Variants in WFS1 observed in about 807,000 individuals in gnomAD.
WFS1 encodes wolframin.
A neutral mutation model predicts 68.5 loss-of-function variants in WFS1; 90 were observed. The observed-to-expected ratio is 1.31, with a 90% CI of 1.11 to 1.56. The LOEUF (loss-of-function observed/expected upper bound fraction) is 1.56, where lower values mean the gene tolerates loss of function less well. WFS1 is among the 40% of genes most tolerant of loss of function. The pLI, the probability that WFS1 is intolerant of heterozygous loss-of-function variation, is 0.00. For synonymous variants in WFS1, 860 were observed against 540.7 expected, an observed-to-expected ratio of 1.59 and a Z score of -8.19; for missense variants, 1,767 against 1,232.6, an observed-to-expected ratio of 1.43 and a Z score of -6.49.
Position 6,302,557 on chromosome 4 carries a change from C to T in WFS1, c.*89C>T, listed in dbSNP as rs562340244. 3.2e-5 allele frequency: 50 copies of T among 1,574,950 alleles called. No homozygotes were observed. The South Asian group carries it at 3.2e-4, about 10-fold the overall frequency. On this transcript the variant is annotated 3_prime_UTR_variant, in exon 8 of 8. Coordinates refer to ENST00000226760, the MANE Select transcript of WFS1 (RefSeq NM_006005.3). Reference sequence around the variant, plus strand: ...CAGCCCGACAGGCATGCACCAGTGCCGCCTGTGCCCACGTGTGCAGACTGT... The same window carrying T: ...CAGCCCGACAGGCATGCACCAGTGCTGCCTGTGCCCACGTGTGCAGACTGT...
At chr4:6,290,016 G>T (rs1730418849) in intron 4 of WFS1, among the ~76,000 whole-genome samples, 1 of 152,160 alleles carries the variant, frequency 6.6e-6, no homozygotes, top group South Asian at 2.1e-4. Context: ...TCAAGTCACT[G>T]TAACCTCCAC....
intron 1 of WFS1, among the ~76,000 whole-genome samples, chr4:6,273,520 G>A (rs1729897197): frequency 6.6e-6 from 1 of 151,948 alleles, no homozygotes; most frequent in African/African-American, 2.4e-5. Flanking sequence ...AGGTCCCACA[G>A]CATTATTGCC....
chr4:6,282,960 G>A lies in WFS1; in HGVS notation c.233-4133G>A, dbSNP rs183472827. Among the ~76,000 whole-genome samples the A allele has an allele frequency of 4.0e-4, 61 of 152,326 alleles. 1 individual carries two copies. The East Asian group carries it at 9.4e-3, about 24-fold the overall frequency. ...GTCTGCTCCCTGTGTACTGTCCAGCGTCGTAGTGGAAGCTGGTGGCGAGAC... is the reference window on the plus strand; with the variant it reads ...GTCTGCTCCCTGTGTACTGTCCAGCATCGTAGTGGAAGCTGGTGGCGAGAC... On this transcript the variant is annotated intron_variant, in intron 2 of 7. Coordinates refer to ENST00000226760, the MANE Select transcript of WFS1 (RefSeq NM_006005.3).
intron 2 of WFS1, among the ~76,000 whole-genome samples, chr4:6,278,874 A>C (rs906948996): frequency 1.3e-5 from 2 of 152,278 alleles, no homozygotes; most frequent in African/African-American, 4.8e-5. Context: ...TCAGGGGAAC[A>C]GATACCAGGG....
chr4:6,279,452 G>A (rs549856433), intron 2 of WFS1, among the ~76,000 whole-genome samples: 211 of 152,302 alleles, frequency 1.4e-3, no homozygotes, highest in African/African-American at 4.5e-3. Flanking sequence ...GGTTGGTGAA[G>A]GGTGGAGGGG....
Position 6,287,393 on chromosome 4 carries a change from C to A in WFS1, c.315+218C>A. The A allele has an allele frequency of 1.7e-6, 1 of 581,680 alleles. No individual in the cohort carries two copies. 36.0% of individuals were successfully genotyped at this position (581,680 alleles called of 1,614,324 possible). On this transcript the variant is annotated intron_variant, in intron 3 of 7. Coordinates refer to ENST00000226760, the MANE Select transcript of WFS1 (RefSeq NM_006005.3). The surrounding 1 kb of genome is among the most constrained non-coding windows in gnomAD (Gnocchi z 6.4). ...CACTCCTCTGGGGAGCAGCGCTCAT[C>A]CCCCTTTTGTCCAACTCACACCTCA...
At chr4:6,271,819 C>T (rs1294686138) in intron 1 of WFS1, among the ~76,000 whole-genome samples, 1 of 152,204 alleles carries the variant, frequency 6.6e-6, no homozygotes, top group Non-Finnish European at 1.5e-5. Context: ...TCTGGGCTAT[C>T]GGGTCAGGTC....
At chr4:6,291,047 A>G in intron 4 of WFS1, 150 bp from the exon 5 acceptor site, 1 of 694,530 alleles carries the variant, frequency 1.4e-6, no homozygotes, top group Non-Finnish European at 2.2e-6. Context: ...CTCTTGAGTC[A>G]GATGTCCATG....
chr4:6,278,925 G>A (rs185174225), intron 2 of WFS1, among the ~76,000 whole-genome samples: 32 of 152,360 alleles, frequency 2.1e-4, no homozygotes, highest in African/African-American at 7.0e-4. Context: ...AGAACAGCCC[G>A]CAAAGGACAG....
rs566205831 is a variant in WFS1 at position 6,300,396 on chromosome 4, C to T, written c.862-261C>T. ...AGAGAAGCACACATGCATCTAGTCACGCTGGTAGAAGGTGGGGAGCCAGGC... is the reference window on the plus strand; with the variant it reads ...AGAGAAGCACACATGCATCTAGTCATGCTGGTAGAAGGTGGGGAGCCAGGC... On this transcript the variant is annotated intron_variant, in intron 7 of 7. Transcript: ENST00000226760. Among the ~76,000 whole-genome samples the T allele has an allele frequency of 3.4e-4, 51 of 151,974 alleles. No homozygotes were observed. The South Asian group carries it at 0.01, about 31-fold the overall frequency.
chr4:6,279,490 C>T (rs1413920481), intron 2 of WFS1, among the ~76,000 whole-genome samples: 5 of 152,144 alleles, frequency 3.3e-5, no homozygotes, highest in Admixed American at 3.3e-4. Context: ...GGAGCCTGTG[C>T]TCACTATGGG....
chr4:6,302,433 G>A lies in WFS1; in HGVS notation c.2638G>A (p.Asp880Asn), dbSNP rs776324301. 1.2e-5 allele frequency: 19 copies of A among 1,613,054 alleles called. No individual in the cohort carries two copies. The highest frequency in any genetic ancestry group is 3.3e-5 in the Admixed American group (2 of 60,012). Residue 880 changes from aspartate to asparagine, a missense_variant, in exon 8 of 8, where the codon GAC becomes AAC. By Grantham distance (23) the Asp-to-Asn change is conservative (BLOSUM62 1). Transcript: ENST00000226760. ...GCATGGCGCCGTGAAGTTCGCCTTCGACTTCTTTTTCTTCCCATTCCTGTC... is the reference window on the plus strand; with the variant it reads ...GCATGGCGCCGTGAAGTTCGCCTTCAACTTCTTTTTCTTCCCATTCCTGTC... ...TVHGAVKFAF[D>N]FFFFPFLSAA
chr4:6,276,084 G>C (rs1446177237), intron 1 of WFS1, among the ~76,000 whole-genome samples: 1 of 152,240 alleles, frequency 6.6e-6, no homozygotes, highest in Non-Finnish European at 1.5e-5. Flanking sequence ...TCTGTTACCA[G>C]CCTCTCCCTG....
intron 1 of WFS1, among the ~76,000 whole-genome samples, chr4:6,271,168 G>T (rs986808496): frequency 1.3e-5 from 2 of 152,218 alleles, no homozygotes; most frequent in Non-Finnish European, 2.9e-5. Flanking sequence ...GTCGCCACCT[G>T]TTTACTTCTG....
chr4:6,301,405 G>T lies in WFS1; in HGVS notation c.1610G>T (p.Cys537Phe). 1 of 1,612,486 alleles carries T rather than the reference G, an allele frequency of 6.2e-7. No homozygotes were observed. Among genetic ancestry groups the T allele is most frequent in the Non-Finnish European group, 8.5e-7 (1 of 1,180,020 alleles). ...TGCTACCTTGTGCCCTACCTGGTGT[G>T]CTTCATGTGGTGTGAGCTCTCCGTG... ...TYCYLVPYLV[C>F]FMWCELSVVI... The change falls in exon 8 of 8, where the codon TGC becomes TTC. Residue 537 changes from cysteine (C) to phenylalanine (F), a missense_variant. Physicochemically the swap from Cys to Phe is radical, Grantham distance 205. Transcript: ENST00000226760.
At chr4:6,296,636 G>A (rs77463352) in intron 7 of WFS1, among the ~76,000 whole-genome samples, 1,732 of 152,346 alleles carry the variant, frequency 0.011, 20 homozygotes, top group Middle Eastern at 0.031. Flanking sequence ...GAGAGTGAGG[G>A]TCACAGGTGA....
Position 6,301,608 on chromosome 4 carries a change from A to G in WFS1, c.1813A>G (p.Ser605Gly), listed in dbSNP as rs781426098. 9 of 1,613,968 alleles carry G rather than the reference A, an allele frequency of 5.6e-6. No homozygotes were observed. Among genetic ancestry groups the G allele is most frequent in the Admixed American group, 5.0e-5 (3 of 60,000 alleles). Reference protein sequence around the residue: ...TKIAVTVAVCSVPLLLRWWTK... With the variant: ...TKIAVTVAVCGVPLLLRWWTK... Reference sequence around the variant, plus strand: ...GATCGCAGTCACCGTGGCGGTCTGTAGTGTGCCCCTGCTGTTGCGCTGGTG... The same window carrying G: ...GATCGCAGTCACCGTGGCGGTCTGTGGTGTGCCCCTGCTGTTGCGCTGGTG... The change falls in exon 8 of 8, where the codon AGT becomes GGT. Residue 605 changes from serine (S) to glycine (G), a missense_variant. By Grantham distance (56) the Ser-to-Gly change is moderately conservative. Coordinates refer to ENST00000226760, the MANE Select transcript of WFS1 (RefSeq NM_006005.3).
intron 6 of WFS1, among the ~76,000 whole-genome samples, chr4:6,293,034 G>A (rs1730510948): frequency 6.6e-6 from 1 of 152,202 alleles, no homozygotes; most frequent in Admixed American, 6.5e-5. Flanking sequence ...ACATGGAAGT[G>A]GGAAGAAATC....
chr4:6,278,237 GGGTGTTCAAAGCAGAGCTGAGGCCCTT>G (rs953460563), intron 2 of WFS1, among the ~76,000 whole-genome samples: 18 of 152,272 alleles, frequency 1.2e-4, no homozygotes, highest in East Asian at 1.9e-4. Flanking sequence ...CTGAGGCCCT[GGGTGTTCAAAGCAGAGCTGAGGCCCTT>G]GGTGTTCACA....
Sources: gnomAD v4.1 joint callset for allele counts (sites outside exome capture counted in the v4.1 genomes callset) on GRCh38, gnomAD v4.1.1 for gene constraint, Gnocchi (gnomAD v3.1) non-coding constraint, MANE v1.5 for transcripts, NCBI Gene and HGNC (gene_info 2026-07-23, HGNC 2026-07-21) for gene names.